LDLRAD2: variants seen among roughly 807,000 people sequenced by gnomAD.
LDLRAD2 encodes low-density lipoprotein receptor class A domain-containing protein 2.
LDLRAD2 carries 25 observed loss-of-function variants against 24.9 expected under a neutral mutation model. The observed-to-expected ratio is 1.00, with a 90% CI of 0.73 to 1.40. The LOEUF (loss-of-function observed/expected upper bound fraction) is 1.40, where lower values mean the gene tolerates loss of function less well. Among genes scored for constraint, LDLRAD2 ranks in the 40% most tolerant of loss-of-function variants. The probability of loss-of-function intolerance (pLI) is 0.00; values close to 1 mark genes in which losing one functional copy is unlikely to be tolerated. For missense variants in LDLRAD2, 391 were observed against 366.2 expected (o/e 1.07, Z -0.55); for synonymous variants, 182 against 166.7 (o/e 1.09, Z -0.71).
At chr1:21,818,413 G>A (rs2097946545) in intron 3 of LDLRAD2, among the ~76,000 whole-genome samples, 1 of 152,212 alleles carries the variant, frequency 6.6e-6, no homozygotes, top group Admixed American at 6.5e-5. Context: ...ACAGTTGTGA[G>A]TACTGCTCAG....
In LDLRAD2 at chr1:21,822,229, G is replaced by A. The variant is rs756086605; in HGVS notation, c.*14G>A. The A allele has an allele frequency of 1.1e-5, 17 of 1,612,462 alleles. No individual in the cohort carries two copies. In the African/African-American group the frequency reaches 2.3e-4, roughly 22 times the overall value. On this transcript the variant is annotated 3_prime_UTR_variant, in exon 5 of 5. Transcript: ENST00000344642. The stretch of plus-strand genomic sequence containing the variant: ...TCCACTGAGTGAAGCCCTCATCAAA[G>A]ACTCAGGAGGCCCCTGGCGGGGATA...
chr1:21,820,522 C>CAA lies in LDLRAD2; in HGVS notation c.644-910_644-909dup, dbSNP rs11370390. On this transcript the variant is annotated intron_variant, in intron 3 of 4. Transcript: ENST00000344642. ...TGGGCGACAGAGCGAGACTCCGTCT[C>CAA]AAAAAAAAAAAAAAAAAAAGAAAAG... is the stretch of plus-strand genomic sequence containing the variant. Among the ~76,000 whole-genome samples, 78 of 70,014 alleles carry CAA rather than the reference C, an allele frequency of 1.1e-3. 1 individual carries two copies. The highest frequency in any genetic ancestry group is 2.5e-3 in the African/African-American group (49 of 19,628). 45.9% of individuals were successfully genotyped at this position (70,014 alleles called of 152,430 possible). A position where few individuals can be genotyped will look rare whatever the true frequency, so the allele number is the denominator to read the frequency against.
Position 21,819,464 on chromosome 1 carries a change from A to G in LDLRAD2, c.644-1986A>G, listed in dbSNP as rs116440555. 8.7e-3 allele frequency among the ~76,000 whole-genome samples: 1,322 copies of G among 151,798 alleles called. 10 individuals carry two copies. Among genetic ancestry groups the G allele is most frequent in the African/African-American group, 0.03 (1,234 of 41,390 alleles). ...CAGCCTGCAGAACTGAGACAATTAA[A>G]CCTCTTTTCTTTATAAATTACCTTT... is the stretch of plus-strand genomic sequence containing the variant. On this transcript the variant is annotated intron_variant, in intron 3 of 4. Transcript: ENST00000344642.
intron 1 of LDLRAD2, among the ~76,000 whole-genome samples, chr1:21,812,798 G>A (rs2097939911): frequency 6.6e-6 from 1 of 152,236 alleles, no homozygotes; most frequent in Admixed American, 6.5e-5. Context: ...GCAAAACTCT[G>A]TAGGCTTCGG....
chr1:21,824,591 G>A lies in LDLRAD2; in HGVS notation c.*2376G>A, dbSNP rs1572129782. The A allele has an allele frequency of 2.5e-6, 4 of 1,614,056 alleles. No individual in the cohort carries two copies. Among genetic ancestry groups the A allele is most frequent in the South Asian group, 2.2e-5 (2 of 91,088 alleles). On this transcript the variant is annotated 3_prime_UTR_variant, in exon 5 of 5. Coordinates refer to ENST00000344642, the MANE Select transcript of LDLRAD2 (RefSeq NM_001013693.3). The surrounding 1 kb of genome is among the most constrained non-coding windows in gnomAD (Gnocchi z 5.9). ...CTGTGCTGGTCCGAACCTCCAGCTC[G>A]ATGGTCTCGGGCACCTCGGGCAGGC... is the stretch of plus-strand genomic sequence containing the variant.
At chr1:21,814,212 A>G (rs978744378) in intron 1 of LDLRAD2, among the ~76,000 whole-genome samples, 186 bp from the exon 2 acceptor site, 1 of 152,192 alleles carries the variant, frequency 6.6e-6, no homozygotes, top group African/African-American at 2.4e-5. Flanking sequence ...GATTTGAATT[A>G]AATTAAATTA....
rs2097939185 is a variant in LDLRAD2, at chr1:21,812,278, A to G, written c.-174A>G. On this transcript the variant is annotated 5_prime_UTR_variant, in exon 1 of 5. Transcript: ENST00000344642. ...CTGGACACAGTTCTGAACCAAATGA[A>G]GAGGATCTGGAAGGCAAAGCACTAA... 3 of 577,638 alleles carry G rather than the reference A, an allele frequency of 5.2e-6. No homozygotes were observed. The East Asian group carries it at 8.8e-5, about 17-fold the overall frequency. 35.8% of individuals were successfully genotyped at this position (577,638 alleles called of 1,614,324 possible). A position where few individuals can be genotyped will look rare whatever the true frequency, so the allele number is the denominator to read the frequency against.
At chr1:21,818,025 C>T (rs1352706004) in intron 3 of LDLRAD2, among the ~76,000 whole-genome samples, 4 of 151,774 alleles carry the variant, frequency 2.6e-5, no homozygotes, top group Non-Finnish European at 4.4e-5. Context: ...TACAGGTGCA[C>T]ACCACCACGC....
chr1:21,814,932 G>T, intron 2 of LDLRAD2, 109 bp downstream of exon 2: 1 of 1,095,516 alleles, frequency 9.1e-7, no homozygotes, highest in East Asian at 3.1e-5. Flanking sequence ...AATGGCAGGG[G>T]TGCCCGAAGC....
At chr1:21,819,994 G>A (rs2097948526) in intron 3 of LDLRAD2, among the ~76,000 whole-genome samples, 1 of 152,074 alleles carries the variant, frequency 6.6e-6, no homozygotes, top group African/African-American at 2.4e-5. Flanking sequence ...TAAACAACCA[G>A]ATCTTGAGAG....
In LDLRAD2 at chr1:21,822,533, T is replaced by C. The variant is rs1572119112; in HGVS notation, c.*318T>C. On this transcript the variant is annotated 3_prime_UTR_variant, in exon 5 of 5. Transcript: ENST00000344642. ...TTGGAGGAGTCCCTGGGCCTTCACT[T>C]CCAGATGGGTGGGGATGTGGCCTGG... 11 of 227,600 alleles carry C rather than the reference T, an allele frequency of 4.8e-5. No homozygotes were observed. The highest frequency in any genetic ancestry group is 2.5e-4 in the East Asian group (2 of 7,944). 14.1% of individuals were successfully genotyped at this position (227,600 alleles called of 1,614,324 possible). A position where few individuals can be genotyped will look rare whatever the true frequency, so the allele number is the denominator to read the frequency against.
Position 21,812,436 on chromosome 1 carries a change from G to A in LDLRAD2, c.-16G>A. 1 of 1,611,050 alleles carries A rather than the reference G, an allele frequency of 6.2e-7. No homozygotes were observed. The highest frequency in any genetic ancestry group is 8.5e-7 in the Non-Finnish European group (1 of 1,177,392). The stretch of plus-strand genomic sequence containing the variant: ...TTCTGTGGGTCTGCCCCATTGCTGG[G>A]CACAGCAGAGCCTGGATGGAGGCTT... On this transcript the variant is annotated 5_prime_UTR_variant, in exon 1 of 5. Coordinates refer to ENST00000344642, the MANE Select transcript of LDLRAD2 (RefSeq NM_001013693.3).
intron 3 of LDLRAD2, among the ~76,000 whole-genome samples, chr1:21,818,749 A>G (rs1378054591): frequency 6.6e-6 from 1 of 152,096 alleles, no homozygotes; most frequent in East Asian, 1.9e-4. Context: ...AGGTTATGTC[A>G]CTATCCTGCT....
chr1:21,815,602 A>T (rs1229444801), intron 2 of LDLRAD2, among the ~76,000 whole-genome samples: 3 of 152,256 alleles, frequency 2.0e-5, no homozygotes, highest in Admixed American at 6.5e-5. Context: ...ACAGAGAGAG[A>T]CCTGCCTAAA....
rs552816278 is a variant in LDLRAD2 at position 21,812,508 on chromosome 1, C to A, written c.57C>A (p.Ala19=). The change falls in exon 1 of 5, where the codon GCC becomes GCA. Residue 19 remains alanine, a synonymous_variant. Coordinates refer to ENST00000344642, the MANE Select transcript of LDLRAD2 (RefSeq NM_001013693.3). ...LPQRLLLLGA[A]ALTATALETA... is the part of the protein sequence containing the mutation. ...AAAGGTTGCTCTTGCTGGGGGCAGC[C>A]GCCCTGACTGCAACTGCTTTGGAGA... 3.7e-6 allele frequency: 6 copies of A among 1,614,112 alleles called. No homozygotes were observed. The highest frequency in any genetic ancestry group is 1.1e-5 in the South Asian group (1 of 91,054).
chr1:21,816,889 G>A (rs34221978), intron 3 of LDLRAD2, among the ~76,000 whole-genome samples: 8,189 of 151,916 alleles, frequency 0.054, 296 homozygotes, highest in African/African-American at 0.1. Context: ...CATTTATATC[G>A]TATCACCTGT....
At chr1:21,819,518 T>TATAAATTTATAAATTTATAAATTAC (rs1441222697) in intron 3 of LDLRAD2, among the ~76,000 whole-genome samples, 45 of 151,280 alleles carry the variant, frequency 3.0e-4, no homozygotes, top group African/African-American at 1.0e-3. Context: ...AAATTACCTT[T>TATAAATTTATAAATTTATAAATTAC]CTTTATAAAT....
At position 21,814,522 on chromosome 1, in the gene LDLRAD2, G is replaced by A. The variant is rs1343086525; in HGVS notation, c.210G>A (p.Ala70=). The A allele has an allele frequency of 1.2e-6, 2 of 1,612,624 alleles. No homozygotes were observed. Among genetic ancestry groups the A allele is most frequent in the Non-Finnish European group, 8.5e-7 (1 of 1,179,748 alleles). The change falls in exon 2 of 5, where the codon GCG becomes GCA. Residue 70 remains alanine (A), a synonymous_variant. Transcript: ENST00000344642. ...PDTDCGLWVQ[A]AAPGDRIRFQ... ...CCGACTGCGGGCTCTGGGTGCAGGCGGCAGCCCCCGGCGACCGGATCCGCT... is the reference window on the plus strand; with the variant it reads ...CCGACTGCGGGCTCTGGGTGCAGGCAGCAGCCCCCGGCGACCGGATCCGCT...
At position 21,814,720 on chromosome 1, in the gene LDLRAD2, G is replaced by T. The variant is rs1237462559; in HGVS notation, c.408G>T (p.Pro136=). The T allele has an allele frequency of 1.3e-6, 2 of 1,555,920 alleles. No homozygotes were observed. The highest frequency in any genetic ancestry group is 2.4e-5 in the East Asian group (1 of 41,302). ...CCCCACTGTGCGGCCTGAACATCCC[G>T]GTGCCTGTGGCATCCTCCGGACCCT... The part of the protein sequence containing the change: ...LGSPLCGLNI[P]VPVASSGPFL... The change falls in exon 2 of 5, where the codon CCG becomes CCT. Residue 136 remains proline, a synonymous_variant. Transcript: ENST00000344642.
Sources: gnomAD v4.1 joint callset for allele counts (sites outside exome capture counted in the v4.1 genomes callset) on GRCh38, gnomAD v4.1.1 for gene constraint, Gnocchi (gnomAD v3.1) non-coding constraint, MANE v1.5 for transcripts, NCBI Gene and HGNC (gene_info 2026-07-23, HGNC 2026-07-21) for gene names.